Variants in IPO11 observed in about 807,000 individuals in gnomAD.
The protein encoded by IPO11 is importin-11.
A neutral mutation model predicts 143.2 loss-of-function variants in IPO11; 66 were observed. The ratio of observed to expected loss-of-function variants is 0.46; its 90% CI spans 0.38 to 0.57. IPO11 has a LOEUF of 0.57. Among genes scored for constraint, IPO11 ranks in the 20% least tolerant of loss-of-function variants. The pLI is 0.00. For missense variants in IPO11, 1,026 were observed against 1,141.0 expected (o/e 0.90, Z 1.45); for synonymous variants, 385 against 377.8 (o/e 1.02, Z -0.22).
At chr5:62,467,719 G>C (rs1745620125) in intron 6 of IPO11, among the ~76,000 whole-genome samples, 1 of 152,064 alleles carries the variant, frequency 6.6e-6, no homozygotes, top group Non-Finnish European at 1.5e-5. Context: ...ATTTCAGAAG[G>C]TGCTTTATAG....
chr5:62,516,354 C>T (rs921606411), intron 20 of IPO11, among the ~76,000 whole-genome samples: 7 of 152,046 alleles, frequency 4.6e-5, no homozygotes, highest in South Asian at 2.1e-4. Context: ...AGCACAGTGG[C>T]GCGATCTTGG....
intron 20 of IPO11, among the ~76,000 whole-genome samples, chr5:62,522,082 G>A (rs2112298282): frequency 6.6e-6 from 1 of 151,932 alleles, no homozygotes; most frequent in South Asian, 2.1e-4. Context: ...TTGATCCTCG[G>A]TTGCCTTCTC....
At chr5:62,568,838 G>A (rs1280349425) in intron 27 of IPO11, among the ~76,000 whole-genome samples, 2 of 152,126 alleles carry the variant, frequency 1.3e-5, no homozygotes, top group Non-Finnish European at 2.9e-5. Context: ...TAAAGAATTA[G>A]ATATTTTTTC....
intron 21 of IPO11, among the ~76,000 whole-genome samples, chr5:62,530,167 T>C (rs1742496780): frequency 6.6e-6 from 1 of 152,198 alleles, no homozygotes; most frequent in Admixed American, 6.5e-5. Flanking sequence ...GTTTGACCAA[T>C]CTGTAATAGT....
At chr5:62,430,018 A>G (rs1161768648) in intron 1 of IPO11, among the ~76,000 whole-genome samples, 1 of 152,118 alleles carries the variant, frequency 6.6e-6, no homozygotes, top group Non-Finnish European at 1.5e-5. Flanking sequence ...TGGCCTCCCA[A>G]AGTGCTGGGA....
chr5:62,500,904 A>G (rs750737884), intron 16 of IPO11, among the ~76,000 whole-genome samples: 3 of 152,190 alleles, frequency 2.0e-5, no homozygotes, highest in Non-Finnish European at 4.4e-5. Context: ...CCATGACATC[A>G]CTATGTGATG....
In IPO11 at chr5:62,452,726, GT is replaced by G. The variant is rs1744983875; in HGVS notation, c.516+794del. On this transcript the variant is annotated intron_variant, in intron 5 of 29. Coordinates refer to ENST00000325324, the MANE Select transcript of IPO11 (RefSeq NM_016338.5). Reference sequence around the variant, plus strand: ...GGTTTTGTTCTGTTTTTGGTGGGGTGTGTGTGTGTGTGTGTGTGTGTGTGTG... The same window carrying G: ...GGTTTTGTTCTGTTTTTGGTGGGGTGGTGTGTGTGTGTGTGTGTGTGTGTG... Among the ~76,000 whole-genome samples, 7 of 12,930 alleles carry G rather than the reference GT, an allele frequency of 5.4e-4. 1 individual carries two copies. Among genetic ancestry groups the G allele is most frequent in the African/African-American group, 2.5e-3 (6 of 2,402 alleles). The allele number at this position is 12,930 out of a possible 152,430, so 8.5% of individuals were successfully genotyped here.
chr5:62,592,854 T>C (rs1259679987), intron 28 of IPO11, among the ~76,000 whole-genome samples: 1 of 151,990 alleles, frequency 6.6e-6, no homozygotes, highest in African/African-American at 2.4e-5. Context: ...TTCAGTTACC[T>C]CCAGCTGGGT....
At chr5:62,481,077 G>A (rs570228976) in intron 9 of IPO11, among the ~76,000 whole-genome samples, 29 of 151,554 alleles carry the variant, frequency 1.9e-4, no homozygotes, top group African/African-American at 2.4e-4. Flanking sequence ...CACCATGCCC[G>A]GCTAATTTTT....
chr5:62,535,127 G>T (rs1320268004), intron 22 of IPO11, among the ~76,000 whole-genome samples: 1 of 151,712 alleles, frequency 6.6e-6, no homozygotes, highest in African/African-American at 2.4e-5. Context: ...AAAGCAGTGT[G>T]AAGTGACCTA....
At chr5:62,559,504 C>T (rs1743693054) in intron 26 of IPO11, among the ~76,000 whole-genome samples, 1 of 151,996 alleles carries the variant, frequency 6.6e-6, no homozygotes, top group Admixed American at 6.6e-5. Context: ...TATTCTAAAT[C>T]ATTTGTTGTT....
chr5:62,615,198 G>A (rs2112471807), intron 29 of IPO11, among the ~76,000 whole-genome samples: 1 of 152,272 alleles, frequency 6.6e-6, no homozygotes, highest in South Asian at 2.1e-4. Flanking sequence ...CCAGGCTTGA[G>A]GGTGAGGCCT....
chr5:62,487,264 C>G (rs1005987786), intron 12 of IPO11, among the ~76,000 whole-genome samples: 2 of 151,914 alleles, frequency 1.3e-5, no homozygotes, highest in Non-Finnish European at 2.9e-5. Flanking sequence ...TATATCATTG[C>G]TAAGAAAATA....
intron 5 of IPO11, among the ~76,000 whole-genome samples, chr5:62,462,026 C>T (rs1233888008): frequency 6.6e-6 from 1 of 152,036 alleles, no homozygotes; most frequent in African/African-American, 2.4e-5. Context: ...GTATTACTTT[C>T]TAGGGACAGA....
intron 25 of IPO11, 117 bp from the exon 26 acceptor site, chr5:62,551,106 G>A (rs1404568338): frequency 3.6e-6 from 2 of 556,968 alleles, no homozygotes; most frequent in Non-Finnish European, 6.4e-6. Context: ...TCATTCTAAA[G>A]AGAAGTAACA....
intron 5 of IPO11, among the ~76,000 whole-genome samples, chr5:62,466,435 C>T (rs1194826095): frequency 6.6e-6 from 1 of 152,070 alleles, no homozygotes; most frequent in Non-Finnish European, 1.5e-5. Flanking sequence ...CCGAAGTATG[C>T]TGATGATAAC....
intron 27 of IPO11, among the ~76,000 whole-genome samples, chr5:62,572,561 A>G (rs932789192): frequency 6.7e-6 from 1 of 149,486 alleles, no homozygotes; most frequent in Non-Finnish European, 1.5e-5. Context: ...TTATTTATTT[A>G]TTTATTTATT....
chr5:62,611,035 G>A (rs905242980), intron 29 of IPO11, among the ~76,000 whole-genome samples: 2 of 152,096 alleles, frequency 1.3e-5, no homozygotes, highest in Non-Finnish European at 2.9e-5. Flanking sequence ...TACTGCTGTT[G>A]ATACATCCTT....
At chr5:62,527,494 G>T (rs1742406254) in intron 21 of IPO11, among the ~76,000 whole-genome samples, 1 of 152,106 alleles carries the variant, frequency 6.6e-6, no homozygotes, top group South Asian at 2.1e-4. Context: ...TAGATTGTAA[G>T]ATAAAATATT....
Sources: gnomAD v4.1 joint callset for allele counts (sites outside exome capture counted in the v4.1 genomes callset) on GRCh38, gnomAD v4.1.1 for gene constraint, MANE v1.5 for transcripts, NCBI Gene and HGNC (gene_info 2026-07-23, HGNC 2026-07-21) for gene names.